SYNE1: variants seen among roughly 807,000 people sequenced by gnomAD.
SYNE1 encodes spectrin repeat containing nuclear envelope protein 1.
In SYNE1, 616 loss-of-function variants were observed where a neutral mutation model predicts 1,111.0. That is an observed-to-expected ratio of 0.55 (90% CI 0.52 to 0.59). The LOEUF is 0.59. SYNE1 is among the 20% of genes least tolerant of loss of function. SYNE1 has a pLI of 0.00. For synonymous variants in SYNE1, 3,855 were observed against 3,825.8 expected (o/e 1.01, Z -0.28); for missense variants, 10,006 against 10,417.0 (o/e 0.96, Z 1.72).
At chr6:152,141,059 G>A (rs755685837) in intron 139 of SYNE1, 144 bp downstream of exon 139, 9 of 1,211,062 alleles carry the variant, frequency 7.4e-6, no homozygotes, top group Non-Finnish European at 1.1e-5. Flanking sequence ...CAACAAAAAA[G>A]GAGACTGTTA....
chr6:152,373,218 TCC>T lies in SYNE1; in HGVS notation c.9325-1_9325del. 1 of 1,609,872 alleles carries T rather than the reference TCC, an allele frequency of 6.2e-7. No homozygotes were observed. The highest frequency in any genetic ancestry group is 1.1e-5 in the South Asian group (1 of 90,428). On this transcript the variant is annotated splice_acceptor_variant and coding_sequence_variant, in exon 59 of 146. Coordinates refer to ENST00000367255, the MANE Select transcript of SYNE1 (RefSeq NM_182961.4). LOFTEE classifies it high-confidence loss of function. Reference sequence around the variant, plus strand: ...TCCATTTTCACTTTCTGACAAAAACTCCTATAAAAGAAAATATAGAATTAGCC... The same window carrying T: ...TCCATTTTCACTTTCTGACAAAAACTTATAAAAGAAAATATAGAATTAGCC...
chr6:152,510,061 G>A (rs1437313182), intron 8 of SYNE1, 132 bp downstream of exon 8: 1 of 922,488 alleles, frequency 1.1e-6, no homozygotes, highest in African/African-American at 1.6e-5. Context: ...CAAGGCAAGA[G>A]TGAAATAAGC....
chr6:152,202,346 C>CAAAAAAAAAAAAAAAAA (rs35563822), intron 126 of SYNE1, among the ~76,000 whole-genome samples: 3 of 48,042 alleles, frequency 6.2e-5, no homozygotes, highest in Non-Finnish European at 7.8e-5. Flanking sequence ...GACTCTGTCT[C>CAAAAAAAAAAAAAAAAA]AAAAAAAAAA....
chr6:152,198,281 C>A (rs146396013), intron 127 of SYNE1, among the ~76,000 whole-genome samples: 16 of 152,326 alleles, frequency 1.1e-4, no homozygotes, highest in African/African-American at 3.6e-4. Flanking sequence ...TACTTCTCCT[C>A]CCTCAGCCTT....
chr6:152,193,546 G>A (rs748853376), intron 127 of SYNE1, among the ~76,000 whole-genome samples: 2 of 152,032 alleles, frequency 1.3e-5, no homozygotes, highest in Non-Finnish European at 2.9e-5. Flanking sequence ...TCAAACTCCT[G>A]GCCTCAAGTG....
In SYNE1 at chr6:152,149,580, A is replaced by G. The variant is rs1266570234; in HGVS notation, c.24539T>C (p.Leu8180Ser). ...TTCCTCCTCGATGATCGCTGCATCC[A>G]AGGGCTCACTCTTTTCTATCAGCTG... Reference protein sequence around the residue: ...GEQLIEKSEPLDAAIIEEELD... With the variant: ...GEQLIEKSEPSDAAIIEEELD... Residue 8180 changes from leucine to serine, a missense_variant, in exon 136 of 146, where the codon TTG becomes TCG. This residue lies in a region of SYNE1 where 761 missense variants were observed against 795.5 expected (regional missense o/e 0.96). Coordinates refer to ENST00000367255, the MANE Select transcript of SYNE1 (RefSeq NM_182961.4). The G allele has an allele frequency of 6.2e-7, 1 of 1,614,168 alleles. No homozygotes were observed. Among genetic ancestry groups the G allele is most frequent in the Non-Finnish European group, 8.5e-7 (1 of 1,180,032 alleles).
In SYNE1 at chr6:152,201,722, A is replaced by T; in HGVS notation, c.23145+102T>A. ...CTTATGTCATATACTAGGATCTTGTATCTGCATGTAGATAACCTAAGAGTT... is the reference window on the plus strand; with the variant it reads ...CTTATGTCATATACTAGGATCTTGTTTCTGCATGTAGATAACCTAAGAGTT... On this transcript the variant is annotated intron_variant, in intron 127 of 145. Coordinates refer to ENST00000367255, the MANE Select transcript of SYNE1 (RefSeq NM_182961.4). 4.5e-6 allele frequency: 7 copies of T among 1,557,942 alleles called. 1 individual carries two copies. Among genetic ancestry groups the T allele is most frequent in the Non-Finnish European group, 5.3e-6 (6 of 1,129,986 alleles).
intron 61 of SYNE1, chr6:152,368,266 C>T (rs2097116191): frequency 6.6e-6 from 1 of 152,428 alleles, no homozygotes; most frequent in African/African-American, 2.4e-5. Context: ...CCACATAAAG[C>T]TCAAGATAGG....
chr6:152,305,208 A>G (rs1050671436), intron 91 of SYNE1, among the ~76,000 whole-genome samples: 90 of 152,304 alleles, frequency 5.9e-4, no homozygotes, highest in African/African-American at 2.1e-3. Context: ...ATCCTCTCCT[A>G]TGATTTAAAA....
At position 152,329,784 on chromosome 6, in the gene SYNE1, G is replaced by A. The variant is rs889983594; in HGVS notation, c.14901C>T (p.Leu4967=). The change falls in exon 78 of 146, where the codon CTC becomes CTT. Residue 4967 remains leucine, a synonymous_variant. Transcript: ENST00000367255. ...ELISADLEHS[L]AELSELDGDI... Reference sequence around the variant, plus strand: ...CTCCATCCAGCTCTGAGAGCTCAGCGAGGCTGTGTTCTAAATCCGCAGAAA... The same window carrying A: ...CTCCATCCAGCTCTGAGAGCTCAGCAAGGCTGTGTTCTAAATCCGCAGAAA... 9.3e-6 allele frequency: 15 copies of A among 1,614,070 alleles called. No homozygotes were observed. The highest frequency in any genetic ancestry group is 2.7e-5 in the African/African-American group (2 of 74,922).
At chr6:152,462,938 G>A (rs539330279) in intron 19 of SYNE1, 48 bp from the exon 20 acceptor site, 30 of 1,606,970 alleles carry the variant, frequency 1.9e-5, no homozygotes, top group Admixed American at 1.3e-4. Context: ...ATTTAGCTGC[G>A]ACCACTGGAA....
intron 98 of SYNE1, among the ~76,000 whole-genome samples, chr6:152,273,617 C>T (rs1589152033): frequency 6.6e-6 from 1 of 152,168 alleles, no homozygotes; most frequent in African/African-American, 2.4e-5. Flanking sequence ...CTTTGGCACA[C>T]AAATTATTTT....
chr6:152,565,512 G>A (rs1442185911), intron 3 of SYNE1, among the ~76,000 whole-genome samples: 2 of 151,968 alleles, frequency 1.3e-5, no homozygotes, highest in Non-Finnish European at 1.5e-5. Context: ...AGTGTCTGAC[G>A]ACCCAATACC....
In SYNE1 at chr6:152,425,526, A is replaced by C. The variant is rs2098338254; in HGVS notation, c.5122T>G (p.Ser1708Ala). The C allele has an allele frequency of 6.2e-7, 1 of 1,614,044 alleles. No individual in the cohort carries two copies. Among genetic ancestry groups the C allele is most frequent in the African/African-American group, 1.3e-5 (1 of 74,936 alleles). ...AGTTTGCTATAGAATGAGGCCTGGG[A>C]TACAACTTCATTTTGCAGTGCCTGA... ...LIQALQNEVV[S>A]QASFYSKLLQ... The change falls in exon 39 of 146, where the codon TCC (serine) becomes GCC (alanine). Residue 1708 changes from serine (S) to alanine (A), a missense_variant. Coordinates refer to ENST00000367255, the MANE Select transcript of SYNE1 (RefSeq NM_182961.4).
intron 3 of SYNE1, among the ~76,000 whole-genome samples, chr6:152,550,376 T>G (rs771051633): frequency 5.3e-5 from 8 of 152,142 alleles, no homozygotes; most frequent in Non-Finnish European, 7.3e-5. Flanking sequence ...CAAAATCTAT[T>G]TTTTAAAAAA....
chr6:152,297,753 C>T (rs1219485560), intron 93 of SYNE1, among the ~76,000 whole-genome samples: 1 of 150,512 alleles, frequency 6.6e-6, no homozygotes, highest in Admixed American at 6.6e-5. Context: ...AAATTTATTA[C>T]AAATAATTTT....
intron 56 of SYNE1, among the ~76,000 whole-genome samples, chr6:152,378,384 T>G (rs936368968): frequency 1.2e-4 from 18 of 152,170 alleles, no homozygotes; most frequent in African/African-American, 4.1e-4. Context: ...ATGGCACCAC[T>G]GTCCCCCGCT....
At chr6:152,551,352 A>G (rs1233391982) in intron 3 of SYNE1, among the ~76,000 whole-genome samples, 1 of 152,218 alleles carries the variant, frequency 6.6e-6, no homozygotes, top group East Asian at 1.9e-4. Context: ...GAAGAGTTAC[A>G]GAATAATGAA....
chr6:152,326,145 C>A (rs141180730), intron 79 of SYNE1, 43 bp from the exon 80 acceptor site: 2 of 1,613,930 alleles, frequency 1.2e-6, no homozygotes, highest in Admixed American at 1.7e-5. Flanking sequence ...CACGAAATCA[C>A]GTATTTCTAC....
Sources: gnomAD v4.1 joint callset for allele counts (sites outside exome capture counted in the v4.1 genomes callset) on GRCh38, gnomAD v4.1.1 for gene constraint, gnomAD v4.1.1 regional missense constraint, MANE v1.5 for transcripts, NCBI Gene and HGNC (gene_info 2026-07-23, HGNC 2026-07-21) for gene names.